MYO10: variants seen among roughly 807,000 people sequenced by gnomAD.
MYO10 encodes the protein myosin X.
MYO10 carries 133 observed loss-of-function variants against 257.3 expected under a neutral mutation model. That is an observed-to-expected ratio of 0.52 (90% CI 0.45 to 0.60). The LOEUF is 0.60. MYO10 is among the 20% of genes least tolerant of loss of function. The probability of loss-of-function intolerance (pLI) is 0.00; values close to 1 mark genes in which losing one functional copy is unlikely to be tolerated. For missense variants in MYO10, 2,399 were observed against 2,635.7 expected, an observed-to-expected ratio of 0.91 and a Z score of 1.97; for synonymous variants, 1,104 against 1,028.6, an observed-to-expected ratio of 1.07 and a Z score of -1.40.
chr5:16,758,373 T>C lies in MYO10; in HGVS notation c.1740-147A>G, dbSNP rs1455217661. ...AGAACTAAGACAGCTTCCAAAGATT[T>C]CAAACCAAACACTGCCAAAGAGCTT... On this transcript the variant is annotated intron_variant, in intron 17 of 40. Transcript: ENST00000513610. The C allele has an allele frequency of 7.3e-5, 46 of 628,430 alleles. No individual in the cohort carries two copies. The East Asian group carries it at 1.3e-3, about 18-fold the overall frequency. The allele number at this position is 628,430 out of a possible 1,614,324, so 38.9% of individuals were successfully genotyped here.
At chr5:16,835,771 A>C (rs35204948) in intron 2 of MYO10, among the ~76,000 whole-genome samples, 24,350 of 150,912 alleles carry the variant, frequency 0.16, 2,191 homozygotes, top group East Asian at 0.24. Context: ...AAAGACCCCA[A>C]AAAAAAGTAG....
chr5:16,842,484 CATCACT>C (rs1743511686), intron 2 of MYO10, among the ~76,000 whole-genome samples: 1 of 152,188 alleles, frequency 6.6e-6, no homozygotes, highest in Non-Finnish European at 1.5e-5. Flanking sequence ...GCGGCAGCCT[CATCACT>C]ACGAGATGTG....
intron 19 of MYO10, among the ~76,000 whole-genome samples, chr5:16,740,783 G>C (rs776360762): frequency 7.1e-4 from 108 of 152,148 alleles, no homozygotes; most frequent in Admixed American, 9.8e-4. Context: ...TTGTAAGAGA[G>C]GTAGAAAATA....
chr5:16,712,426 G>T (rs1308999681), intron 19 of MYO10, among the ~76,000 whole-genome samples: 1 of 152,198 alleles, frequency 6.6e-6, no homozygotes, highest in Non-Finnish European at 1.5e-5. Context: ...ACAGTGGTTT[G>T]TTTTTTCAGT....
chr5:16,760,905 ACTTATAC>A (rs1579959817), intron 17 of MYO10, among the ~76,000 whole-genome samples: 2 of 152,116 alleles, frequency 1.3e-5, no homozygotes, highest in African/African-American at 4.8e-5. Context: ...ACAGTATGTT[ACTTATAC>A]CTCTGTGGTT....
At chr5:16,731,838 C>T (rs10073942) in intron 19 of MYO10, among the ~76,000 whole-genome samples, 15,447 of 152,250 alleles carry the variant, frequency 0.1, 823 homozygotes, top group Non-Finnish European at 0.11. Flanking sequence ...AGTGTTGTCA[C>T]GTGCTGTGTT....
chr5:16,812,408 C>A (rs1388030344), intron 3 of MYO10, among the ~76,000 whole-genome samples: 1 of 152,180 alleles, frequency 6.6e-6, no homozygotes, highest in East Asian at 1.9e-4. Flanking sequence ...GTCCCCTCAG[C>A]GACAAGCCTG....
chr5:16,670,668 T>C lies in MYO10; in HGVS notation c.5741A>G (p.Lys1914Arg). The change falls in exon 39 of 41, where the codon AAG becomes AGG. Residue 1914 changes from lysine (K) to arginine (R), a missense_variant. Around this residue, in one of 3 missense-constraint regions of MYO10, gnomAD observed 1,820 missense variants for 1,939.4 expected, o/e 0.94. Coordinates refer to ENST00000513610, the MANE Select transcript of MYO10 (RefSeq NM_012334.3). ...GGCTCGAGCAGAGGAGACTTCTTCC[T>C]TAATCCACATGTCCAGCATCTGCTC... The part of the protein sequence containing the change: ...EEEQMLDMWI[K>R]EEVSSARASI... 2.5e-6 allele frequency: 4 copies of C among 1,614,036 alleles called. No homozygotes were observed. The highest frequency in any genetic ancestry group is 3.4e-6 in the Non-Finnish European group (4 of 1,179,894).
rs1736088784 is a variant in MYO10, at chr5:16,664,764, C to G, written c.*1928G>C. 6.6e-6 allele frequency: 1 copy of G among 152,174 alleles called. No homozygotes were observed. Among genetic ancestry groups the G allele is most frequent in the South Asian group, 2.1e-4 (1 of 4,830 alleles). 9.4% of individuals were successfully genotyped at this position (152,174 alleles called of 1,614,324 possible). A position where few individuals can be genotyped will look rare whatever the true frequency, so the allele number is the denominator to read the frequency against. On this transcript the variant is annotated 3_prime_UTR_variant, in exon 41 of 41. Coordinates refer to ENST00000513610, the MANE Select transcript of MYO10 (RefSeq NM_012334.3). ...GTCTGACATAAACACATTTCAAGTC[C>G]TCAGCTGTGTGTGACTTCATTTACC...
At chr5:16,794,931 G>T in intron 3 of MYO10, 98 bp from the exon 4 acceptor site, 1 of 956,686 alleles carries the variant, frequency 1.0e-6, no homozygotes. Flanking sequence ...GGGGAAAGAC[G>T]TCTTCTGTCT....
At chr5:16,834,068 G>T (rs534667842) in intron 2 of MYO10, among the ~76,000 whole-genome samples, 1 of 152,184 alleles carries the variant, frequency 6.6e-6, no homozygotes, top group South Asian at 2.1e-4. Context: ...ATACGCATTA[G>T]ATTAACTTTG....
chr5:16,819,787 G>T (rs892165551), intron 2 of MYO10, among the ~76,000 whole-genome samples: 4 of 151,946 alleles, frequency 2.6e-5, no homozygotes, highest in Non-Finnish European at 4.4e-5. Context: ...CAATCCAATG[G>T]TTTTTTTTCA....
intron 2 of MYO10, among the ~76,000 whole-genome samples, chr5:16,829,886 T>TACAC (rs138178405): frequency 0.015 from 2,189 of 150,874 alleles, 17 homozygotes; most frequent in Non-Finnish European, 0.022. Flanking sequence ...GAACGGCTAA[T>TACAC]ACACACACAC....
In MYO10 at chr5:16,694,448, G is replaced by A. The variant is rs745903439; in HGVS notation, c.3723C>T (p.Leu1241=). The change falls in exon 27 of 41, where the codon CTC becomes CTT. Residue 1241 remains leucine, a synonymous_variant. Transcript: ENST00000513610. ...RRNWKKRWFV[L]RQSKLMYFEN... Reference sequence around the variant, plus strand: ...CAAAGTACATCAGCTTGGACTGGCGGAGGACAAACCAGCGCTTCTTCCAAT... The same window carrying A: ...CAAAGTACATCAGCTTGGACTGGCGAAGGACAAACCAGCGCTTCTTCCAAT... 1.1e-5 allele frequency: 17 copies of A among 1,613,886 alleles called. No homozygotes were observed. In the Admixed American group the frequency reaches 1.8e-4, roughly 17 times the overall value.
At chr5:16,892,831 C>A (rs748800012) in intron 1 of MYO10, among the ~76,000 whole-genome samples, 8 of 152,146 alleles carry the variant, frequency 5.3e-5, no homozygotes, top group Non-Finnish European at 1.0e-4. Context: ...CCTCGTTCAA[C>A]CAACGCACCA....
At chr5:16,764,483 A>C in intron 11 of MYO10, 87 bp from the exon 12 acceptor site, 1 of 1,464,608 alleles carries the variant, frequency 6.8e-7, no homozygotes, top group Non-Finnish European at 9.3e-7. Context: ...AGAGACACAC[A>C]CAAGACTAGC....
At chr5:16,899,997 C>CAAAAAA (rs60443560) in intron 1 of MYO10, among the ~76,000 whole-genome samples, 1 of 88,286 alleles carries the variant, frequency 1.1e-5, no homozygotes, top group South Asian at 4.8e-4. Context: ...GATGCTGTCT[C>CAAAAAA]AAAAAAAAAA....
At chr5:16,846,022 T>A (rs1743626595) in intron 2 of MYO10, among the ~76,000 whole-genome samples, 1 of 151,678 alleles carries the variant, frequency 6.6e-6, no homozygotes, top group African/African-American at 2.4e-5. Flanking sequence ...CTTGATAAAA[T>A]AAAAAATGGG....
At chr5:16,677,257 T>G (rs987095854) in intron 33 of MYO10, among the ~76,000 whole-genome samples, 4 of 152,180 alleles carry the variant, frequency 2.6e-5, no homozygotes, top group Non-Finnish European at 5.9e-5. Context: ...CCATAAAAAT[T>G]TTTTAATTAC....
Sources: gnomAD v4.1 joint callset for allele counts (sites outside exome capture counted in the v4.1 genomes callset) on GRCh38, gnomAD v4.1.1 for gene constraint, gnomAD v4.1.1 regional missense constraint, MANE v1.5 for transcripts, NCBI Gene and HGNC (gene_info 2026-07-23, HGNC 2026-07-21) for gene names.